Variants in IL1RAPL2 observed in about 807,000 individuals in gnomAD.
The protein encoded by IL1RAPL2 is X-linked interleukin-1 receptor accessory protein-like 2.
In IL1RAPL2, 3 loss-of-function variants were observed where a neutral mutation model predicts 44.1. The observed-to-expected ratio is 0.07, with a 90% CI of 0.03 to 0.18. The LOEUF is 0.18. IL1RAPL2 is among the 10% of genes least tolerant of loss of function. The pLI is 1.00. For missense variants in IL1RAPL2, 391 were observed against 496.4 expected, an observed-to-expected ratio of 0.79 and a Z score of 2.02; for synonymous variants, 181 against 178.8, an observed-to-expected ratio of 1.01 and a Z score of -0.10.
chrX:104,691,193 A>G (rs1022878353), intron 2 of IL1RAPL2, among the ~76,000 whole-genome samples: 3 of 112,321 alleles, frequency 2.7e-5, no homozygotes, highest in Non-Finnish European at 5.6e-5. Flanking sequence ...AATGGTTACC[A>G]TGTGTATCAC....
At chrX:105,460,520 G>A (rs148698601) in intron 5 of IL1RAPL2, among the ~76,000 whole-genome samples, 9 of 110,373 alleles carry the variant, frequency 8.2e-5, no homozygotes, top group Non-Finnish European at 1.9e-5. Context: ...CAAATATGGA[G>A]TATTAATCAC....
At chrX:105,145,912 G>A (rs2033175478) in intron 2 of IL1RAPL2, among the ~76,000 whole-genome samples, 1 of 111,125 alleles carries the variant, frequency 9.0e-6, no homozygotes, top group Admixed American at 9.6e-5. Flanking sequence ...TTAAAAGGTG[G>A]GGACTTTGGG....
chrX:104,803,590 AG>A (rs955756954), intron 2 of IL1RAPL2, among the ~76,000 whole-genome samples: 1 of 112,423 alleles, frequency 8.9e-6, no homozygotes, highest in Non-Finnish European at 1.9e-5. Context: ...ATTCAGTTCA[AG>A]CTCTCCATCT....
At chrX:104,634,730 A>G (rs1240171466) in intron 1 of IL1RAPL2, among the ~76,000 whole-genome samples, 2 of 111,321 alleles carry the variant, frequency 1.8e-5, no homozygotes, top group African/African-American at 3.3e-5. Context: ...TTTTGAGCCT[A>G]TGTGTGTCTC....
At chrX:104,606,658 G>A (rs937663402) in intron 1 of IL1RAPL2, among the ~76,000 whole-genome samples, 8 of 110,647 alleles carry the variant, frequency 7.2e-5, no homozygotes, top group African/African-American at 9.9e-5. Context: ...CCTATACACC[G>A]ATAACAGAGA....
intron 2 of IL1RAPL2, among the ~76,000 whole-genome samples, chrX:104,895,028 T>A (rs1167971694): frequency 8.9e-6 from 1 of 112,856 alleles, no homozygotes; most frequent in Non-Finnish European, 1.9e-5. Flanking sequence ...GCTGCAGGTC[T>A]GTTGGAGTTT....
intron 2 of IL1RAPL2, among the ~76,000 whole-genome samples, chrX:105,064,666 AT>A (rs1450728111): frequency 4.4e-5 from 5 of 112,578 alleles, no homozygotes; most frequent in African/African-American, 1.6e-4. Context: ...GTTAAAGAAA[AT>A]ATCATTCAAA....
At chrX:105,467,434 T>C (rs2036137965) in intron 5 of IL1RAPL2, among the ~76,000 whole-genome samples, 1 of 111,506 alleles carries the variant, frequency 9.0e-6, no homozygotes, top group Non-Finnish European at 1.9e-5. Context: ...GAAATATATA[T>C]AATGGACCCT....
chrX:104,645,122 C>G (rs942067027), intron 1 of IL1RAPL2, among the ~76,000 whole-genome samples: 3 of 111,300 alleles, frequency 2.7e-5, no homozygotes, highest in East Asian at 2.8e-4. Flanking sequence ...TCTGAACCTT[C>G]CCAACTCAAA....
At chrX:104,992,875 G>A (rs1004172416) in intron 2 of IL1RAPL2, among the ~76,000 whole-genome samples, 16 of 111,235 alleles carry the variant, frequency 1.4e-4, no homozygotes, top group African/African-American at 5.2e-4. Flanking sequence ...AGCAAGAATA[G>A]GGAAAACTTA....
intron 5 of IL1RAPL2, among the ~76,000 whole-genome samples, chrX:105,269,543 G>A (rs1021568973): frequency 9.0e-6 from 1 of 111,203 alleles, no homozygotes; most frequent in Non-Finnish European, 1.9e-5. Context: ...TTTTCCCTAT[G>A]AGCTTTCAAA....
chrX:104,927,071 T>C (rs1319942507), intron 2 of IL1RAPL2, among the ~76,000 whole-genome samples: 1 of 112,113 alleles, frequency 8.9e-6, no homozygotes, highest in Non-Finnish European at 1.9e-5. Context: ...CACTAGGTTG[T>C]CTTAACTTTA....
intron 5 of IL1RAPL2, among the ~76,000 whole-genome samples, chrX:105,320,594 G>C (rs981239525): frequency 1.8e-5 from 2 of 108,879 alleles, no homozygotes; most frequent in Non-Finnish European, 3.8e-5. Context: ...GTATGTGTAT[G>C]TGTGTTTGTG....
At chrX:105,323,368 C>T (rs1344004273) in intron 5 of IL1RAPL2, among the ~76,000 whole-genome samples, 1 of 111,942 alleles carries the variant, frequency 8.9e-6, no homozygotes, top group Non-Finnish European at 1.9e-5. Context: ...CCTTCCCCAT[C>T]TGGCTGCCTA....
rs145884464 is a variant in IL1RAPL2 at position 105,396,381 on chromosome X, A to G, written c.698-87932A>G. ...TAATCAGGTATAAATATTTTTTTAAACAGTTGTCTCCTTGAGTCTGGACCT... is the reference window on the plus strand; with the variant it reads ...TAATCAGGTATAAATATTTTTTTAAGCAGTTGTCTCCTTGAGTCTGGACCT... On this transcript the variant is annotated intron_variant, in intron 5 of 10. Transcript: ENST00000372582. 7.8e-3 allele frequency among the ~76,000 whole-genome samples: 826 copies of G among 105,998 alleles called. 13 individuals are homozygous for G. Among genetic ancestry groups the G allele is most frequent in the African/African-American group, 0.027 (792 of 29,311 alleles). 92.0% of individuals were successfully genotyped at this position (105,998 alleles called of 115,157 possible).
intron 5 of IL1RAPL2, among the ~76,000 whole-genome samples, chrX:105,357,456 C>T (rs1021660681): frequency 1.8e-5 from 2 of 111,441 alleles, no homozygotes; most frequent in Non-Finnish European, 3.8e-5. Context: ...ACAAAAATTA[C>T]ACTTTTTCAT....
intron 5 of IL1RAPL2, among the ~76,000 whole-genome samples, chrX:105,432,152 T>TTTC (rs1556318012): frequency 2.1e-5 from 2 of 97,471 alleles, no homozygotes; most frequent in African/African-American, 7.6e-5. Flanking sequence ...TTTTTTTTTT[T>TTTC]CACTTTTCTC....
chrX:105,461,508 A>C (rs2147766604), intron 5 of IL1RAPL2, among the ~76,000 whole-genome samples: 1 of 110,863 alleles, frequency 9.0e-6, no homozygotes, highest in East Asian at 2.8e-4. Context: ...ATTCTGCCCT[A>C]AAAAAAATCT....
intron 2 of IL1RAPL2, among the ~76,000 whole-genome samples, chrX:105,115,568 T>C (rs1386350739): frequency 3.6e-5 from 4 of 112,211 alleles, no homozygotes; most frequent in African/African-American, 1.3e-4. Flanking sequence ...AGAGTGCTGA[T>C]TGGTGTATTT....
Sources: gnomAD v4.1 joint callset for allele counts (sites outside exome capture counted in the v4.1 genomes callset) on GRCh38, gnomAD v4.1.1 for gene constraint, MANE v1.5 for transcripts, NCBI Gene and HGNC (gene_info 2026-07-23, HGNC 2026-07-21) for gene names.